Variants in SFTPD observed in about 807,000 individuals in gnomAD.
The protein encoded by SFTPD is pulmonary surfactant-associated protein D.
SFTPD carries 18 observed loss-of-function variants against 34.6 expected under a neutral mutation model. That is an observed-to-expected ratio of 0.52 (90% CI 0.36 to 0.77). The LOEUF (loss-of-function observed/expected upper bound fraction) is 0.77, where lower values mean the gene tolerates loss of function less well. Ranked by LOEUF, SFTPD falls within the 30% of genes least tolerant of loss-of-function variation. The pLI is 0.00. For synonymous variants in SFTPD, 155 were observed against 180.9 expected (o/e 0.86, Z 1.15); for missense variants, 433 against 468.9 (o/e 0.92, Z 0.71).
At chr10:79,959,664 A>G (rs1372584630) in intron 1 of SFTPD, among the ~76,000 whole-genome samples, 1 of 152,252 alleles carries the variant, frequency 6.6e-6, no homozygotes, top group Non-Finnish European at 1.5e-5. Context: ...TAGCTTACCA[A>G]CCAAAAAAAG....
intron 6 of SFTPD, among the ~76,000 whole-genome samples, chr10:79,941,008 A>C (rs973220563): frequency 1.6e-5 from 2 of 128,914 alleles, no homozygotes; most frequent in Admixed American, 8.8e-5. Flanking sequence ...ACACTGAACC[A>C]GATGACATTG....
chr10:79,982,203 G>T, intron 1 of SFTPD: 1 of 515,540 alleles, frequency 1.9e-6, no homozygotes, highest in South Asian at 5.6e-5. Flanking sequence ...CGCACGTACT[G>T]GGGCTCGGAT....
At chr10:79,971,446 T>G (rs1204745755) in intron 1 of SFTPD, 4 of 152,210 alleles carry the variant, frequency 2.6e-5, no homozygotes, top group African/African-American at 9.7e-5. Context: ...AGTTCTTTCT[T>G]AAATATCTGG....
chr10:79,954,001 TG>T (rs200528989), upstream of SFTPD, among the ~76,000 whole-genome samples: 4 of 140,144 alleles, frequency 2.9e-5, no homozygotes, highest in Non-Finnish European at 6.1e-5. Flanking sequence ...AGGATTTTTG[TG>T]GGTTTTTTTT....
At chr10:79,956,818 C>A (rs12258656) in intron 1 of SFTPD, among the ~76,000 whole-genome samples, 2 of 152,280 alleles carry the variant, frequency 1.3e-5, no homozygotes, top group Admixed American at 1.3e-4. Context: ...TCTCCCAGCA[C>A]GCAGCTGGAG....
At chr10:79,948,698 GTC>G (rs1178526890) in intron 1 of SFTPD, among the ~76,000 whole-genome samples, 1 of 152,174 alleles carries the variant, frequency 6.6e-6, no homozygotes, top group Non-Finnish European at 1.5e-5. Context: ...GCCTGGGTTT[GTC>G]TCTCTTCCAC....
At chr10:79,957,525 C>T (rs537949179) in intron 1 of SFTPD, among the ~76,000 whole-genome samples, 121 of 151,978 alleles carry the variant, frequency 8.0e-4, no homozygotes, top group Non-Finnish European at 1.2e-3. Flanking sequence ...GGAGCTGATG[C>T]GATCAACTGG....
Position 79,937,787 on chromosome 10 carries a change from G to A in SFTPD, c.*65C>T, listed in dbSNP as rs545228602. Reference sequence around the variant, plus strand: ...TTTTATTAGGATATTGGCAGCATGAGGGTCTAAGCCTTGACTTCTGGCCAA... The same window carrying A: ...TTTTATTAGGATATTGGCAGCATGAAGGTCTAAGCCTTGACTTCTGGCCAA... On this transcript the variant is annotated 3_prime_UTR_variant, in exon 8 of 8. Coordinates refer to ENST00000372292, the MANE Select transcript of SFTPD (RefSeq NM_003019.5). The A allele has an allele frequency of 2.7e-6, 4 of 1,467,710 alleles. No homozygotes were observed. Among genetic ancestry groups the A allele is most frequent in the Admixed American group, 4.7e-5 (2 of 42,256 alleles). The allele number at this position is 1,467,710 out of a possible 1,614,324, so 90.9% of individuals were successfully genotyped here.
At chr10:79,961,025 G>A (rs1387062124) in intron 1 of SFTPD, among the ~76,000 whole-genome samples, 1 of 152,146 alleles carries the variant, frequency 6.6e-6, no homozygotes, top group African/African-American at 2.4e-5. Context: ...TGACAAACCT[G>A]ACAAAAACAA....
chr10:79,946,518 G>A lies in SFTPD; in HGVS notation c.142C>T (p.Pro48Ser), dbSNP rs150968324. 199 of 1,614,162 alleles carry A rather than the reference G, an allele frequency of 1.2e-4. No homozygotes were observed. The African/African-American group carries it at 2.1e-3, about 17-fold the overall frequency. The change falls in exon 2 of 8, where the codon CCT becomes TCT. Residue 48 changes from proline to serine, a missense_variant. By Grantham distance (74) the Pro-to-Ser change is moderately conservative. Coordinates refer to ENST00000372292, the MANE Select transcript of SFTPD (RefSeq NM_003019.5). Reference protein sequence around the residue: ...VMCSSVESGLPGRDGRDGREG... With the variant: ...VMCSSVESGLSGRDGRDGREG... ...CTCCCATCCCGTCCATCGCGACCAG[G>A]CAGGCCACTCTCCACTGAGCTACAC...
At chr10:79,956,696 C>T (rs577595157) in intron 1 of SFTPD, among the ~76,000 whole-genome samples, 1 of 152,352 alleles carries the variant, frequency 6.6e-6, no homozygotes, top group East Asian at 1.9e-4. Flanking sequence ...AGGAGGCCTG[C>T]CTGCCTCTGT....
chr10:79,961,419 G>T (rs1842772007), intron 1 of SFTPD, among the ~76,000 whole-genome samples: 1 of 149,936 alleles, frequency 6.7e-6, no homozygotes, highest in Admixed American at 6.7e-5. Flanking sequence ...CTAATATGCA[G>T]AATCTACAAT....
chr10:79,975,055 G>GT (rs1289409895), intron 1 of SFTPD, among the ~76,000 whole-genome samples: 1 of 132,466 alleles, frequency 7.5e-6, no homozygotes, highest in Non-Finnish European at 1.7e-5. Context: ...CTGTTGATCT[G>GT]GGGGGGTGTA....
chr10:79,961,713 A>G (rs1188064267), intron 1 of SFTPD, among the ~76,000 whole-genome samples: 2 of 152,226 alleles, frequency 1.3e-5, no homozygotes, highest in Non-Finnish European at 2.9e-5. Context: ...AAACTTGTTC[A>G]ACCATTGTGG....
At chr10:79,958,801 A>G (rs1842755355) in intron 1 of SFTPD, among the ~76,000 whole-genome samples, 1 of 152,220 alleles carries the variant, frequency 6.6e-6, no homozygotes, top group Admixed American at 6.5e-5. Context: ...GACCTAATAG[A>G]CAACTACAGA....
At chr10:79,979,790 G>T (rs1009412952) in intron 1 of SFTPD, among the ~76,000 whole-genome samples, 2 of 152,200 alleles carry the variant, frequency 1.3e-5, no homozygotes, top group Non-Finnish European at 2.9e-5. Flanking sequence ...TTGAGGTGTA[G>T]GTGACCCAGT....
At chr10:79,948,159 C>G (rs1171170172) in intron 1 of SFTPD, among the ~76,000 whole-genome samples, 1 of 152,216 alleles carries the variant, frequency 6.6e-6, no homozygotes. Context: ...GAGCTCACTG[C>G]CAGCAGCGGC....
rs530556230 is a variant in SFTPD, at chr10:79,956,015, A to AT, written c.37-9354_37-9353insA. On this transcript the variant is annotated intron_variant, in intron 1 of 5. Transcript: ENST00000444384. ...ATGTTGGCGGGAAGTAAAGAGATAC[A>AT]ACCATACTAATTTCAAAAAAACAGA... 2.4e-4 allele frequency among the ~76,000 whole-genome samples: 37 copies of AT among 152,374 alleles called. No individual in the cohort carries two copies. The South Asian group carries it at 3.7e-3, about 15-fold the overall frequency.
Position 79,942,572 on chromosome 10 carries a change from G to C in SFTPD, c.317-68C>G. On this transcript the variant is annotated intron_variant, in intron 3 of 7. Transcript: ENST00000372292. ...TGGCAGGAGGAGTGTGTAGTAAGGT[G>C]AGGGTAATAACAGAGGTAAGGGAGG... The C allele has an allele frequency of 3.6e-6, 4 of 1,119,186 alleles. No individual in the cohort carries two copies. In the East Asian group the frequency reaches 9.5e-5, roughly 26 times the overall value. 69.3% of individuals were successfully genotyped at this position (1,119,186 alleles called of 1,614,324 possible). A position where few individuals can be genotyped will look rare whatever the true frequency, so the allele number is the denominator to read the frequency against.
Sources: allele counts gnomAD v4.1 joint callset (sites outside exome capture counted in the v4.1 genomes callset), GRCh38; gene constraint gnomAD v4.1.1; transcripts MANE v1.5; gene names NCBI Gene and HGNC (gene_info 2026-07-23, HGNC 2026-07-21).